Variants in TINAG observed in about 807,000 individuals in gnomAD.
TINAG encodes tubulointerstitial nephritis antigen.
Under a neutral mutation model 72.7 loss-of-function variants are expected in TINAG, and 83 were observed. The ratio of observed to expected loss-of-function variants is 1.14; its 90% CI spans 0.96 to 1.37. The LOEUF (loss-of-function observed/expected upper bound fraction) is 1.37. Ranked by LOEUF, TINAG falls within the 40% of genes most tolerant of loss-of-function variation. TINAG has a pLI of 0.00. For missense variants in TINAG, 685 were observed against 576.6 expected (o/e 1.19, Z -1.93); for synonymous variants, 234 against 189.9 (o/e 1.23, Z -1.91).
At chr6:54,331,292 G>T (rs1024606470) in intron 4 of TINAG, among the ~76,000 whole-genome samples, 1 of 152,140 alleles carries the variant, frequency 6.6e-6, no homozygotes. Context: ...GGGATGCAAG[G>T]CTGCTTCAAC....
At chr6:54,360,337 G>A (rs943192564) in intron 9 of TINAG, among the ~76,000 whole-genome samples, 25 of 151,420 alleles carry the variant, frequency 1.7e-4, no homozygotes, top group African/African-American at 4.6e-4. Flanking sequence ...TTTGAAATAC[G>A]GCCTTATTTT....
chr6:54,339,458 G>C (rs1784946267), intron 4 of TINAG, among the ~76,000 whole-genome samples: 1 of 152,150 alleles, frequency 6.6e-6, no homozygotes. Flanking sequence ...TAAAAGTCAA[G>C]TGCCAGCTGT....
chr6:54,337,669 G>A (rs1269696235), intron 4 of TINAG, among the ~76,000 whole-genome samples: 2 of 151,992 alleles, frequency 1.3e-5, no homozygotes, highest in African/African-American at 4.8e-5. Context: ...AAACCAAAAC[G>A]TTCAGTATAA....
At chr6:54,311,281 A>C (rs549296851) in intron 1 of TINAG, among the ~76,000 whole-genome samples, 1 of 152,138 alleles carries the variant, frequency 6.6e-6, no homozygotes, top group African/African-American at 2.4e-5. Flanking sequence ...ATGTCCCTTC[A>C]TCTCATCTAA....
intron 10 of TINAG, among the ~76,000 whole-genome samples, chr6:54,384,331 A>T (rs1032898759): frequency 6.6e-6 from 1 of 152,142 alleles, no homozygotes; most frequent in Non-Finnish European, 1.5e-5. Context: ...CTGCACATGT[A>T]CCCCAGAACT....
intron 4 of TINAG, among the ~76,000 whole-genome samples, chr6:54,340,962 T>C (rs578181595): frequency 2.4e-3 from 363 of 152,252 alleles, no homozygotes; most frequent in Middle Eastern, 6.8e-3. Context: ...ATTGCATATC[T>C]CCCATATGCA....
chr6:54,321,338 G>A lies in TINAG; in HGVS notation c.461G>A (p.Cys154Tyr). The change falls in exon 3 of 11, where the codon TGC (cysteine) becomes TAC (tyrosine). Residue 154 changes from cysteine (C) to tyrosine (Y), a missense_variant. Cys to Tyr is a radical substitution (Grantham distance 194). Transcript: ENST00000259782. ...CAATGGAAATGTTCCCAGCATGTATGCCTTGTTCGTTCAGAATTAATTGAA... is the reference window on the plus strand; with the variant it reads ...CAATGGAAATGTTCCCAGCATGTATACCTTGTTCGTTCAGAATTAATTGAA... ...GQQWKCSQHVCLVRSELIEQV... is the reference protein window; with the variant it reads ...GQQWKCSQHVYLVRSELIEQV... The A allele has an allele frequency of 6.2e-7, 1 of 1,613,778 alleles. No homozygotes were observed. Among genetic ancestry groups the A allele is most frequent in the Non-Finnish European group, 8.5e-7 (1 of 1,179,812 alleles).
At chr6:54,336,723 T>C (rs1296398564) in intron 4 of TINAG, among the ~76,000 whole-genome samples, 2 of 152,194 alleles carry the variant, frequency 1.3e-5, no homozygotes, top group Non-Finnish European at 2.9e-5. Flanking sequence ...ATTAGGTTAC[T>C]AAAGCTATTA....
intron 1 of TINAG, among the ~76,000 whole-genome samples, chr6:54,310,856 GCT>G (rs1314291239): frequency 1.2e-5 from 1 of 82,476 alleles, no homozygotes; most frequent in African/African-American, 4.9e-5. Context: ...TCTTTCTCTC[GCT>G]CTTTCTTTCT....
At chr6:54,352,061 G>C (rs542625915) in intron 8 of TINAG, among the ~76,000 whole-genome samples, 1 of 151,842 alleles carries the variant, frequency 6.6e-6, no homozygotes, top group East Asian at 1.9e-4. Flanking sequence ...CTGAATAAGG[G>C]TATACTCACA....
At chr6:54,385,188 C>A (rs1490817979) in intron 10 of TINAG, among the ~76,000 whole-genome samples, 3 of 151,588 alleles carry the variant, frequency 2.0e-5, no homozygotes, top group African/African-American at 7.3e-5. Context: ...AGAAAACAGA[C>A]ATATTATAAT....
At chr6:54,321,494 G>A in intron 3 of TINAG, 108 bp downstream of exon 3, 3 of 728,210 alleles carry the variant, frequency 4.1e-6, no homozygotes, top group South Asian at 3.4e-5. Context: ...AGAAAGAGTG[G>A]GAGAGAAATA....
intron 9 of TINAG, among the ~76,000 whole-genome samples, chr6:54,379,015 T>C (rs1763866990): frequency 1.3e-5 from 2 of 152,138 alleles, no homozygotes; most frequent in African/African-American, 4.8e-5. Context: ...TTCTGTGCCC[T>C]ATTAAAAATA....
At position 54,347,414 on chromosome 6, in the gene TINAG, G is replaced by A; in HGVS notation, c.796G>A (p.Ala266Thr). The change falls in exon 6 of 11, where the codon GCC becomes ACC. Residue 266 changes from alanine (A) to threonine (T), a missense_variant. Ala to Thr is a moderately conservative substitution (Grantham distance 58). Coordinates refer to ENST00000259782, the MANE Select transcript of TINAG (RefSeq NM_014464.4). ...AATTCAGTCTAAGGGTCGATACACGGCCAATCTATCCCCTCAGAATTTGAT... is the reference window on the plus strand; with the variant it reads ...AATTCAGTCTAAGGGTCGATACACGACCAATCTATCCCCTCAGAATTTGAT... Reference protein sequence around the residue: ...IAIQSKGRYTANLSPQNLISC... With the variant: ...IAIQSKGRYTTNLSPQNLISC... 1.9e-6 allele frequency: 3 copies of A among 1,613,210 alleles called. No homozygotes were observed. The highest frequency in any genetic ancestry group is 1.1e-5 in the South Asian group (1 of 91,056).
chr6:54,312,851 G>T (rs1354594888), intron 1 of TINAG, among the ~76,000 whole-genome samples: 1 of 152,048 alleles, frequency 6.6e-6, no homozygotes, highest in Non-Finnish European at 1.5e-5. Context: ...CCACCTTTTG[G>T]TAACATGTAT....
intron 9 of TINAG, among the ~76,000 whole-genome samples, chr6:54,361,299 C>T (rs1476865658): frequency 1.3e-5 from 2 of 151,592 alleles, no homozygotes; most frequent in African/African-American, 2.4e-5. Flanking sequence ...TAAAGAACTA[C>T]CTGAGACTGG....
At chr6:54,336,490 CT>C (rs1392382888) in intron 4 of TINAG, among the ~76,000 whole-genome samples, 1 of 151,958 alleles carries the variant, frequency 6.6e-6, no homozygotes, top group African/African-American at 2.4e-5. Flanking sequence ...AACTTTGTAC[CT>C]GATTGTTCTT....
intron 9 of TINAG, among the ~76,000 whole-genome samples, chr6:54,362,256 G>T (rs112000201): frequency 2.6e-5 from 4 of 151,734 alleles, no homozygotes; most frequent in African/African-American, 9.6e-5. Context: ...AGCTTCAAAG[G>T]ACAGGCTGAC....
At chr6:54,335,677 G>T (rs530480597) in intron 4 of TINAG, among the ~76,000 whole-genome samples, 1 of 152,236 alleles carries the variant, frequency 6.6e-6, no homozygotes, top group Middle Eastern at 3.4e-3. Flanking sequence ...TTCTTAGTCT[G>T]TTGACTACAT....
Sources: allele counts gnomAD v4.1 joint callset (sites outside exome capture counted in the v4.1 genomes callset), GRCh38; gene constraint gnomAD v4.1.1; transcripts MANE v1.5; gene names NCBI Gene and HGNC (gene_info 2026-07-23, HGNC 2026-07-21).